CNTN4: variants seen among roughly 807,000 people sequenced by gnomAD.
CNTN4 encodes the protein contactin 4.
In CNTN4, 77 loss-of-function variants were observed where a neutral mutation model predicts 122.5. The ratio of observed to expected loss-of-function variants is 0.63; its 90% CI spans 0.52 to 0.76. The LOEUF is 0.76. Ranked by LOEUF, CNTN4 falls within the 30% of genes least tolerant of loss-of-function variation. The pLI, the probability that CNTN4 is intolerant of heterozygous loss-of-function variation, is 0.00. For missense variants in CNTN4, 1,256 were observed against 1,259.1 expected (o/e 1.00, Z 0.04); for synonymous variants, 512 against 447.0 (o/e 1.15, Z -1.83).
chr3:2,513,300 A>G lies in CNTN4; in HGVS notation c.-88-58116A>G, dbSNP rs575169238. Among the ~76,000 whole-genome samples the G allele has an allele frequency of 8.5e-5, 13 of 152,224 alleles. No homozygotes were observed. In the South Asian group the frequency reaches 2.5e-3, roughly 29 times the overall value. On this transcript the variant is annotated intron_variant, in intron 3 of 24. Transcript: ENST00000418658. ...TGATTCCTGGTGAACCCTTAGCTAT[A>G]TTTTTAAATAACTGTTAGTGTTTTT...
intron 2 of CNTN4, among the ~76,000 whole-genome samples, chr3:2,322,081 T>C (rs912694541): frequency 5.9e-5 from 9 of 152,186 alleles, no homozygotes; most frequent in African/African-American, 1.4e-4. Flanking sequence ...TCTCTACTTA[T>C]GCCACAAGGT....
intron 10 of CNTN4, among the ~76,000 whole-genome samples, chr3:2,896,228 T>TA (rs147433786): frequency 2.7e-3 from 415 of 152,204 alleles, no homozygotes; most frequent in African/African-American, 9.5e-3. Flanking sequence ...GTACTTTTTT[T>TA]AGCATGAAAT....
intron 13 of CNTN4, among the ~76,000 whole-genome samples, chr3:2,926,437 G>T (rs1019859652): frequency 1.3e-5 from 2 of 152,080 alleles, no homozygotes; most frequent in Admixed American, 6.6e-5. Context: ...ACATTAGCTT[G>T]CACGAAATGG....
At chr3:2,109,314 C>T (rs1403651655) in intron 2 of CNTN4, among the ~76,000 whole-genome samples, 1 of 151,944 alleles carries the variant, frequency 6.6e-6, no homozygotes, top group Non-Finnish European at 1.5e-5. Flanking sequence ...TCTTTTGGTT[C>T]ATAAGAAAGT....
intron 6 of CNTN4, among the ~76,000 whole-genome samples, chr3:2,766,880 C>A (rs2090884775): frequency 6.6e-6 from 1 of 152,140 alleles, no homozygotes; most frequent in Admixed American, 6.5e-5. Flanking sequence ...GACCTTCAAC[C>A]TAAACTGGAA....
At chr3:2,778,703 A>G (rs1234374089) in intron 6 of CNTN4, among the ~76,000 whole-genome samples, 2 of 152,332 alleles carry the variant, frequency 1.3e-5, no homozygotes, top group East Asian at 1.9e-4. Flanking sequence ...ATTATAATGC[A>G]TGAAATAACC....
chr3:2,114,109 A>G (rs539768704), intron 2 of CNTN4, among the ~76,000 whole-genome samples: 1 of 152,274 alleles, frequency 6.6e-6, no homozygotes, highest in African/African-American at 2.4e-5. Flanking sequence ...AATTGATAAG[A>G]TAAAGTAGAA....
intron 3 of CNTN4, among the ~76,000 whole-genome samples, chr3:2,556,073 T>C (rs2078708741): frequency 6.6e-6 from 1 of 152,220 alleles, no homozygotes; most frequent in South Asian, 2.1e-4. Flanking sequence ...CATTAAACTG[T>C]CTTTCCATTT....
At chr3:2,351,302 A>G (rs1314932825) in intron 3 of CNTN4, among the ~76,000 whole-genome samples, 2 of 152,226 alleles carry the variant, frequency 1.3e-5, no homozygotes, top group African/African-American at 4.8e-5. Context: ...ATCTCATTTT[A>G]TAGTGCAGGA....
At chr3:2,832,363 T>C (rs1330196671) in intron 7 of CNTN4, among the ~76,000 whole-genome samples, 1 of 152,110 alleles carries the variant, frequency 6.6e-6, no homozygotes, top group Non-Finnish European at 1.5e-5. Flanking sequence ...ACAGGTCTGC[T>C]AGGGAGGAGC....
intron 2 of CNTN4, among the ~76,000 whole-genome samples, chr3:2,298,547 C>T (rs139570050): frequency 3.3e-5 from 5 of 152,144 alleles, no homozygotes; most frequent in Admixed American, 6.6e-5. Context: ...TTAGTCTCTC[C>T]GTCCATATAT....
At chr3:2,668,384 C>T (rs1284223180) in intron 4 of CNTN4, among the ~76,000 whole-genome samples, 1 of 152,092 alleles carries the variant, frequency 6.6e-6, no homozygotes, top group Non-Finnish European at 1.5e-5. Context: ...CATGATTTGG[C>T]TCTCTGTTTG....
intron 3 of CNTN4, among the ~76,000 whole-genome samples, chr3:2,536,173 A>G (rs151109592): frequency 1.1e-4 from 17 of 152,284 alleles, no homozygotes; most frequent in Non-Finnish European, 1.9e-4. Flanking sequence ...CTCCCACCAT[A>G]TAACTCAAAG....
intron 3 of CNTN4, among the ~76,000 whole-genome samples, chr3:2,479,192 AG>A (rs2075915764): frequency 6.6e-6 from 1 of 152,216 alleles, no homozygotes; most frequent in African/African-American, 2.4e-5. Flanking sequence ...CTTTTTTAAG[AG>A]AAAAAAATAA....
At chr3:2,474,400 C>A (rs1017087717) in intron 3 of CNTN4, among the ~76,000 whole-genome samples, 1 of 152,122 alleles carries the variant, frequency 6.6e-6, no homozygotes, top group Non-Finnish European at 1.5e-5. Flanking sequence ...AACAGGCACA[C>A]CTAATAGAAT....
intron 3 of CNTN4, among the ~76,000 whole-genome samples, chr3:2,400,970 T>C (rs1189379553): frequency 2.0e-5 from 3 of 149,970 alleles, no homozygotes; most frequent in Non-Finnish European, 4.5e-5. Flanking sequence ...AGGTGTGTAT[T>C]GGGAAATTAG....
intron 2 of CNTN4, among the ~76,000 whole-genome samples, chr3:2,241,066 T>C (rs1461031275): frequency 6.6e-6 from 1 of 152,172 alleles, no homozygotes; most frequent in Non-Finnish European, 1.5e-5. Flanking sequence ...GTAAATGTGT[T>C]ACTCCCCTTC....
At chr3:2,672,163 C>G (rs1352105134) in intron 4 of CNTN4, among the ~76,000 whole-genome samples, 2 of 152,216 alleles carry the variant, frequency 1.3e-5, no homozygotes, top group Admixed American at 6.5e-5. Context: ...ACATTTAAGT[C>G]TGAAGAGGTT....
At chr3:2,984,820 T>G (rs1694399102) in intron 13 of CNTN4, among the ~76,000 whole-genome samples, 1 of 152,262 alleles carries the variant, frequency 6.6e-6, no homozygotes, top group African/African-American at 2.4e-5. Context: ...TCATGAAAGA[T>G]AAGTCTGTAC....
Sources: allele counts gnomAD v4.1 joint callset (sites outside exome capture counted in the v4.1 genomes callset), GRCh38; gene constraint gnomAD v4.1.1; transcripts MANE v1.5; gene names NCBI Gene and HGNC (gene_info 2026-07-23, HGNC 2026-07-21).